Variants in PTPRD observed in about 807,000 individuals in gnomAD.
PTPRD encodes receptor-type tyrosine-protein phosphatase delta.
Under a neutral mutation model 214.5 loss-of-function variants are expected in PTPRD, and 34 were observed. The observed-to-expected ratio is 0.16, with a 90% CI of 0.12 to 0.21. PTPRD has a LOEUF of 0.21. PTPRD is among the 10% of genes least tolerant of loss of function. The pLI is 1.00. For missense variants in PTPRD, 2,545 were observed against 2,398.7 expected (o/e 1.06, Z -1.27); for synonymous variants, 1,128 against 845.7 (o/e 1.33, Z -5.79).
rs577373340 is a variant in PTPRD at position 10,363,460 on chromosome 9, C to T, written c.-599-22443G>A. On this transcript the variant is annotated intron_variant, in intron 2 of 45. Transcript: ENST00000381196. ...TATTTTAGGACAAACTGAAAAGTGA[C>T]ATTTCTCACTGCTACTGGAATTGTC... 2.0e-5 allele frequency among the ~76,000 whole-genome samples: 3 copies of T among 152,328 alleles called. No homozygotes were observed. In the East Asian group the frequency reaches 5.8e-4, roughly 29 times the overall value.
Position 8,592,353 on chromosome 9 carries a change from A to T in PTPRD, c.352+40964T>A, listed in dbSNP as rs2094170287. Among the ~76,000 whole-genome samples, 3 of 152,132 alleles carry T rather than the reference A, an allele frequency of 2.0e-5. No homozygotes were observed. In the South Asian group the frequency reaches 6.2e-4, roughly 32 times the overall value. Reference sequence around the variant, plus strand: ...CTGACTAAACTTTAAAACCAATCTAAGCACCTGGTGTGTCAGTGATAATGA... The same window carrying T: ...CTGACTAAACTTTAAAACCAATCTATGCACCTGGTGTGTCAGTGATAATGA... On this transcript the variant is annotated intron_variant, in intron 14 of 45. Coordinates refer to ENST00000381196, the MANE Select transcript of PTPRD (RefSeq NM_002839.4).
At chr9:9,054,260 C>T (rs746840434) in intron 10 of PTPRD, among the ~76,000 whole-genome samples, 2 of 152,124 alleles carry the variant, frequency 1.3e-5, no homozygotes, top group Non-Finnish European at 2.9e-5. Context: ...CCACGAAGTT[C>T]TCATTGTCAC....
chr9:9,167,001 A>C (rs1367877349), intron 10 of PTPRD, among the ~76,000 whole-genome samples: 1 of 148,248 alleles, frequency 6.7e-6, no homozygotes, highest in Non-Finnish European at 1.5e-5. Context: ...CTGTGTGCAC[A>C]GTACTAAGTC....
In PTPRD at chr9:8,450,353, G is replaced by A. The variant is rs572226027; in HGVS notation, c.3876-516C>T. ...TCCCATAAGGCAGGTAAACACAAGT[G>A]CATTTTTAAGATGCCAAGTTATCCT... On this transcript the variant is annotated intron_variant, in intron 33 of 45. Transcript: ENST00000381196. Among the ~76,000 whole-genome samples the A allele has an allele frequency of 2.7e-4, 41 of 152,190 alleles. 1 individual carries two copies. The South Asian group carries it at 8.1e-3, about 30-fold the overall frequency.
intron 12 of PTPRD, among the ~76,000 whole-genome samples, chr9:8,691,616 C>G (rs2097802849): frequency 6.6e-6 from 1 of 152,078 alleles, no homozygotes; most frequent in Non-Finnish European, 1.5e-5. Context: ...CCTGAATATA[C>G]TTATTGGTAC....
At chr9:9,964,772 A>T (rs1280270945) in intron 4 of PTPRD, among the ~76,000 whole-genome samples, 1 of 152,210 alleles carries the variant, frequency 6.6e-6, no homozygotes, top group Non-Finnish European at 1.5e-5. Flanking sequence ...TTCAAAAGTG[A>T]AAACATTTTA....
intron 11 of PTPRD, among the ~76,000 whole-genome samples, chr9:8,766,468 GAAT>G (rs1192710490): frequency 6.6e-6 from 1 of 152,024 alleles, no homozygotes; most frequent in Non-Finnish European, 1.5e-5. Flanking sequence ...TTCTGAACTT[GAAT>G]AAGTGCATTG....
At chr9:9,969,798 AAACTTTTAAAAAATT>A (rs2154042213) in intron 4 of PTPRD, among the ~76,000 whole-genome samples, 1 of 152,358 alleles carries the variant, frequency 6.6e-6, no homozygotes, top group East Asian at 1.9e-4. Context: ...AAAAGATTTC[AAACTTTTAAAAAATT>A]AACATGTCTT....
chr9:10,535,735 G>C lies in PTPRD; in HGVS notation c.-600+76663C>G, dbSNP rs188740775. On this transcript the variant is annotated intron_variant, in intron 2 of 45. Coordinates refer to ENST00000381196, the MANE Select transcript of PTPRD (RefSeq NM_002839.4). The stretch of plus-strand genomic sequence containing the variant: ...AACATCATTACATGAGAAAACAACA[G>C]CTCATCTCAGTCTCATGAAACTGTG... 2.0e-5 allele frequency among the ~76,000 whole-genome samples: 3 copies of C among 152,158 alleles called. No individual in the cohort carries two copies. The East Asian group carries it at 5.8e-4, about 29-fold the overall frequency.
At chr9:10,307,995 T>C (rs971343545) in intron 3 of PTPRD, among the ~76,000 whole-genome samples, 1 of 152,038 alleles carries the variant, frequency 6.6e-6, no homozygotes, top group African/African-American at 2.4e-5. Context: ...TTTGCAAATA[T>C]TTTTTCTCAT....
chr9:10,026,917 A>T (rs1001744115), intron 4 of PTPRD, among the ~76,000 whole-genome samples: 1 of 152,160 alleles, frequency 6.6e-6, no homozygotes, highest in African/African-American at 2.4e-5. Flanking sequence ...ACACACCACT[A>T]AACCTGCAGT....
intron 42 of PTPRD, among the ~76,000 whole-genome samples, chr9:8,339,747 G>GTATC (rs1258257423): frequency 1.3e-5 from 2 of 151,470 alleles, no homozygotes; most frequent in African/African-American, 4.8e-5. Context: ...AATCTAAGAG[G>GTATC]TATCTCTAAA....
intron 3 of PTPRD, among the ~76,000 whole-genome samples, chr9:10,162,638 AACATATATATAC>A (rs974211370): frequency 1.5e-4 from 23 of 148,442 alleles, no homozygotes; most frequent in African/African-American, 4.6e-4. Flanking sequence ...CATGTATATA[AACATATATATAC>A]ACATATATAC....
chr9:10,204,127 G>A (rs2099451951), intron 3 of PTPRD, among the ~76,000 whole-genome samples: 1 of 152,018 alleles, frequency 6.6e-6, no homozygotes, highest in African/African-American at 2.4e-5. Flanking sequence ...ACCTCTCCAT[G>A]CTTTAATTTT....
intron 14 of PTPRD, among the ~76,000 whole-genome samples, chr9:8,582,741 T>G (rs2093289439): frequency 6.6e-6 from 1 of 152,170 alleles, no homozygotes; most frequent in African/African-American, 2.4e-5. Flanking sequence ...ATACAAATAT[T>G]GGCAAGGATA....
intron 3 of PTPRD, among the ~76,000 whole-genome samples, chr9:10,208,675 T>A (rs906627035): frequency 3.9e-5 from 6 of 152,220 alleles, no homozygotes; most frequent in Non-Finnish European, 7.3e-5. Context: ...TTAACAAACA[T>A]GCCCTGAATT....
chr9:8,675,220 T>C (rs559114243), intron 12 of PTPRD, among the ~76,000 whole-genome samples: 1 of 152,084 alleles, frequency 6.6e-6, no homozygotes, highest in Non-Finnish European at 1.5e-5. Context: ...CCCCTATGTG[T>C]CTTTGAGGAT....
intron 10 of PTPRD, among the ~76,000 whole-genome samples, chr9:9,088,720 C>T (rs540775163): frequency 6.6e-6 from 1 of 151,150 alleles, no homozygotes; most frequent in Admixed American, 6.6e-5. Flanking sequence ...GCCTAGCTTG[C>T]TGAGATTGCA....
chr9:8,652,990 A>T (rs538547806), intron 12 of PTPRD, among the ~76,000 whole-genome samples: 1 of 152,288 alleles, frequency 6.6e-6, no homozygotes, highest in Non-Finnish European at 1.5e-5. Flanking sequence ...CTCCATCTTT[A>T]TATAACCCAG....
Sources: gnomAD v4.1 joint callset for allele counts (sites outside exome capture counted in the v4.1 genomes callset) on GRCh38, gnomAD v4.1.1 for gene constraint, MANE v1.5 for transcripts, NCBI Gene and HGNC (gene_info 2026-07-23, HGNC 2026-07-21) for gene names.